Variants in PPP1R9A observed in about 807,000 individuals in gnomAD.
The protein encoded by PPP1R9A is protein phosphatase 1 regulatory subunit 9A.
A neutral mutation model predicts 141.9 loss-of-function variants in PPP1R9A; 59 were observed. The ratio of observed to expected loss-of-function variants is 0.42; its 90% CI spans 0.34 to 0.52. PPP1R9A has a LOEUF of 0.52. Among genes scored for constraint, PPP1R9A ranks in the 20% least tolerant of loss-of-function variants. The pLI, the probability that PPP1R9A is intolerant of heterozygous loss-of-function variation, is 0.10. For missense variants in PPP1R9A, 1,444 were observed against 1,611.9 expected (o/e 0.90, Z 1.78); for synonymous variants, 500 against 569.7 (o/e 0.88, Z 1.74).
At chr7:94,935,688 C>T (rs1177482302) in intron 2 of PPP1R9A, among the ~76,000 whole-genome samples, 4 of 152,102 alleles carry the variant, frequency 2.6e-5, no homozygotes, top group African/African-American at 9.7e-5. Flanking sequence ...ATGATTATCC[C>T]AGAAATCTGA....
At chr7:94,941,752 G>A (rs1362242573) in intron 2 of PPP1R9A, among the ~76,000 whole-genome samples, 3 of 151,896 alleles carry the variant, frequency 2.0e-5, no homozygotes, top group Admixed American at 2.0e-4. Context: ...TAATTAAGTT[G>A]TAAATTATAT....
intron 2 of PPP1R9A, among the ~76,000 whole-genome samples, chr7:95,105,615 G>C (rs1288894569): frequency 6.6e-6 from 1 of 152,230 alleles, no homozygotes. Context: ...TCAGAATGCT[G>C]TTGGCCTTTA....
chr7:94,949,786 A>G (rs918522826), intron 2 of PPP1R9A, among the ~76,000 whole-genome samples: 1 of 151,942 alleles, frequency 6.6e-6, no homozygotes, highest in African/African-American at 2.4e-5. Flanking sequence ...TGATGTTGAG[A>G]TAGTTTGCTC....
intron 2 of PPP1R9A, among the ~76,000 whole-genome samples, chr7:94,968,396 T>C (rs565209271): frequency 7.7e-4 from 117 of 152,230 alleles, no homozygotes; most frequent in Non-Finnish European, 6.2e-4. Flanking sequence ...ATGGTCTCGA[T>C]CTCCTGACCT....
chr7:95,171,876 A>G (rs1832166819), intron 5 of PPP1R9A, among the ~76,000 whole-genome samples: 1 of 151,744 alleles, frequency 6.6e-6, no homozygotes, highest in Admixed American at 6.6e-5. Flanking sequence ...AACTATCACA[A>G]ACCAATATTC....
At chr7:95,040,486 TA>T (rs1563155567) in intron 2 of PPP1R9A, among the ~76,000 whole-genome samples, 1 of 151,942 alleles carries the variant, frequency 6.6e-6, no homozygotes, top group Admixed American at 6.6e-5. Context: ...AAAAAAAAAT[TA>T]AAAATAATAC....
intron 2 of PPP1R9A, among the ~76,000 whole-genome samples, chr7:94,913,065 A>G (rs1162571609): frequency 6.6e-6 from 1 of 152,216 alleles, no homozygotes; most frequent in Non-Finnish European, 1.5e-5. Context: ...TGAGAAAGGC[A>G]GGAATAACTG....
In PPP1R9A at chr7:95,284,369, T is replaced by C. The variant is rs531733344; in HGVS notation, c.3609+39T>C. ...AATAAACAATGCATGGTATTTCTTATGTGGGGAAAAGAAAGCCTCATTTAA... is the reference window on the plus strand; with the variant it reads ...AATAAACAATGCATGGTATTTCTTACGTGGGGAAAAGAAAGCCTCATTTAA... On this transcript the variant is annotated intron_variant, in intron 17 of 19. Coordinates refer to ENST00000433360, the MANE Select transcript of PPP1R9A (RefSeq NM_001166160.2). 22 of 1,380,852 alleles carry C rather than the reference T, an allele frequency of 1.6e-5. No homozygotes were observed. In the Admixed American group the frequency reaches 2.3e-4, roughly 14 times the overall value. 85.5% of individuals were successfully genotyped at this position (1,380,852 alleles called of 1,614,324 possible). A position where few individuals can be genotyped will look rare whatever the true frequency, so the allele number is the denominator to read the frequency against.
intron 3 of PPP1R9A, 80 bp from the exon 4 acceptor site, chr7:95,120,632 C>G: frequency 6.9e-7 from 1 of 1,444,276 alleles, no homozygotes; most frequent in Middle Eastern, 1.8e-4. Context: ...TTAGAAACAG[C>G]AAGTAGGTCT....
intron 5 of PPP1R9A, among the ~76,000 whole-genome samples, chr7:95,182,455 A>G (rs189356683): frequency 3.8e-4 from 58 of 152,316 alleles, no homozygotes; most frequent in African/African-American, 1.4e-3. Flanking sequence ...TGTTTCTTTT[A>G]TATTTACTTA....
intron 2 of PPP1R9A, among the ~76,000 whole-genome samples, chr7:94,916,677 G>A: frequency 6.6e-6 from 1 of 152,162 alleles, no homozygotes; most frequent in Non-Finnish European, 1.5e-5. Flanking sequence ...GGAGGAAGAA[G>A]TTTTTAATGG....
chr7:95,154,624 C>G (rs916313856), intron 4 of PPP1R9A: 7 of 152,002 alleles, frequency 4.6e-5, no homozygotes, highest in Non-Finnish European at 8.8e-5. Context: ...TATCTTAGCT[C>G]CTTAAAATTC....
At chr7:95,214,602 C>T (rs182422838) in intron 7 of PPP1R9A, among the ~76,000 whole-genome samples, 71 of 152,106 alleles carry the variant, frequency 4.7e-4, no homozygotes, top group African/African-American at 1.4e-3. Flanking sequence ...TCAGCCCTCA[C>T]TCAGTGGGAA....
intron 2 of PPP1R9A, among the ~76,000 whole-genome samples, chr7:94,966,295 C>G (rs1024996847): frequency 1.3e-5 from 2 of 152,184 alleles, no homozygotes; most frequent in African/African-American, 2.4e-5. Context: ...TTGACTTCCT[C>G]TCTTCCTGTG....
intron 4 of PPP1R9A, among the ~76,000 whole-genome samples, chr7:95,147,525 A>G (rs757242126): frequency 6.6e-6 from 1 of 152,258 alleles, no homozygotes; most frequent in East Asian, 1.9e-4. Context: ...AGAACTTCCA[A>G]TACTGTGTTG....
At chr7:95,027,108 G>T (rs1000972459) in intron 2 of PPP1R9A, among the ~76,000 whole-genome samples, 1 of 152,066 alleles carries the variant, frequency 6.6e-6, no homozygotes, top group Non-Finnish European at 1.5e-5. Flanking sequence ...TGTCTTGCTG[G>T]TGTTACAGGT....
At chr7:94,955,690 T>A (rs956076904) in intron 2 of PPP1R9A, among the ~76,000 whole-genome samples, 3 of 152,158 alleles carry the variant, frequency 2.0e-5, no homozygotes, top group Non-Finnish European at 4.4e-5. Flanking sequence ...GAAGCAGAAC[T>A]AGGACTTAGG....
chr7:95,250,865 T>A (rs1798778704), intron 10 of PPP1R9A, among the ~76,000 whole-genome samples: 1 of 152,074 alleles, frequency 6.6e-6, no homozygotes, highest in South Asian at 2.1e-4. Context: ...CTCCTTTGCT[T>A]CCATCTCTTG....
At chr7:94,992,438 G>T (rs1456020704) in intron 2 of PPP1R9A, among the ~76,000 whole-genome samples, 1 of 152,212 alleles carries the variant, frequency 6.6e-6, no homozygotes, top group Admixed American at 6.5e-5. Flanking sequence ...GAGCTGCTAT[G>T]AACAGATGTA....
Sources: allele counts gnomAD v4.1 joint callset (sites outside exome capture counted in the v4.1 genomes callset), GRCh38; gene constraint gnomAD v4.1.1; transcripts MANE v1.5; gene names NCBI Gene and HGNC (gene_info 2026-07-23, HGNC 2026-07-21).